NTM: variants seen among roughly 807,000 people sequenced by gnomAD.
NTM encodes IgLON family member 2.
Under a neutral mutation model 42.1 loss-of-function variants are expected in NTM, and 13 were observed. That is an observed-to-expected ratio of 0.31 (90% CI 0.20 to 0.49). The LOEUF (loss-of-function observed/expected upper bound fraction) is 0.49. Among genes scored for constraint, NTM ranks in the 20% least tolerant of loss-of-function variants. The pLI is 0.99. For synonymous variants in NTM, 187 were observed against 179.2 expected (o/e 1.04, Z -0.35); for missense variants, 373 against 452.8 (o/e 0.82, Z 1.60).
At chr11:131,638,650 T>C (rs189512881) in intron 1 of NTM, among the ~76,000 whole-genome samples, 18 of 148,396 alleles carry the variant, frequency 1.2e-4, no homozygotes, top group Admixed American at 7.4e-4. Context: ...TAAAATGAAA[T>C]GGGCTGGCTT....
intron 1 of NTM, among the ~76,000 whole-genome samples, chr11:131,698,289 C>T (rs1207869429): frequency 6.6e-6 from 1 of 152,090 alleles, no homozygotes; most frequent in African/African-American, 2.4e-5. Context: ...CCCCACCCTA[C>T]CCCAGTGCTC....
At chr11:131,705,882 AC>A (rs1413970150) in intron 1 of NTM, among the ~76,000 whole-genome samples, 4 of 152,140 alleles carry the variant, frequency 2.6e-5, no homozygotes, top group African/African-American at 9.6e-5. Context: ...TACTATTACT[AC>A]AAAAAAATCA....
chr11:131,659,412 G>T (rs1429510595), intron 1 of NTM, among the ~76,000 whole-genome samples: 2 of 152,190 alleles, frequency 1.3e-5, no homozygotes, highest in Non-Finnish European at 2.9e-5. Flanking sequence ...CATCACACTG[G>T]GTGAGGGAGT....
chr11:131,572,444 T>C (rs1420032435), intron 1 of NTM, among the ~76,000 whole-genome samples: 2 of 152,156 alleles, frequency 1.3e-5, no homozygotes, highest in Non-Finnish European at 2.9e-5. Context: ...AATCTTCCCA[T>C]CCAGGCTGGA....
At chr11:131,509,163 C>A (rs73026147) in intron 1 of NTM, among the ~76,000 whole-genome samples, 18,434 of 152,186 alleles carry the variant, frequency 0.12, 1,704 homozygotes, top group African/African-American at 0.26. Context: ...AGGATGCCAG[C>A]TGATGCTCCT....
At chr11:131,749,302 T>G (rs962770491) in intron 1 of NTM, among the ~76,000 whole-genome samples, 2 of 152,094 alleles carry the variant, frequency 1.3e-5, no homozygotes, top group African/African-American at 4.8e-5. Flanking sequence ...TTTCCTGGCA[T>G]GTAATAAGGG....
chr11:132,225,488 A>G (rs549486196), intron 4 of NTM, among the ~76,000 whole-genome samples: 1 of 152,218 alleles, frequency 6.6e-6, no homozygotes, highest in African/African-American at 2.4e-5. Flanking sequence ...ATCCAAGGCC[A>G]TGAGTGGGGA....
At chr11:131,830,029 T>C (rs2042618916) in intron 1 of NTM, among the ~76,000 whole-genome samples, 1 of 152,150 alleles carries the variant, frequency 6.6e-6, no homozygotes, top group African/African-American at 2.4e-5. Flanking sequence ...TTAAATGGGG[T>C]TATTTTTTGC....
At chr11:132,233,915 C>A (rs2088187029) in intron 4 of NTM, among the ~76,000 whole-genome samples, 1 of 152,228 alleles carries the variant, frequency 6.6e-6, no homozygotes, top group Non-Finnish European at 1.5e-5. Context: ...CTCTGTCTTC[C>A]AAGAGTGGCC....
At chr11:131,371,184 C>A in intron 1 of NTM, 2 of 754,916 alleles carry the variant, frequency 2.6e-6, no homozygotes, top group Non-Finnish European at 3.2e-6. Flanking sequence ...TTCTTGCACA[C>A]ATACACAACG....
intron 2 of NTM, among the ~76,000 whole-genome samples, chr11:132,040,483 G>A (rs1052759976): frequency 2.0e-5 from 3 of 152,154 alleles, no homozygotes; most frequent in African/African-American, 7.2e-5. Flanking sequence ...ACACCTGAAG[G>A]CATTTCTTAT....
intron 1 of NTM, among the ~76,000 whole-genome samples, chr11:131,691,833 G>T (rs1336495041): frequency 6.6e-6 from 1 of 152,230 alleles, no homozygotes; most frequent in Non-Finnish European, 1.5e-5. Context: ...GGCGTCTTTC[G>T]TGTGTCATGT....
At chr11:131,525,466 T>C (rs2050342187) in intron 1 of NTM, among the ~76,000 whole-genome samples, 1 of 152,180 alleles carries the variant, frequency 6.6e-6, no homozygotes, top group Non-Finnish European at 1.5e-5. Context: ...CTAGTGCTTC[T>C]GTGCAGGGGC....
At chr11:131,874,035 ATATATAT>A (rs1247295078) in intron 1 of NTM, among the ~76,000 whole-genome samples, 1,490 of 17,758 alleles carry the variant, frequency 0.084, 145 homozygotes, top group East Asian at 0.47. Flanking sequence ...AATATAATAT[ATATATAT>A]ATATATATAT....
chr11:131,571,746 T>A (rs941618574), intron 1 of NTM, among the ~76,000 whole-genome samples: 2 of 152,186 alleles, frequency 1.3e-5, no homozygotes, highest in Non-Finnish European at 2.9e-5. Flanking sequence ...CTGAAACAGA[T>A]CCCACAGCAC....
intron 2 of NTM, among the ~76,000 whole-genome samples, chr11:132,019,113 CA>C (rs1292585135): frequency 6.6e-6 from 1 of 151,778 alleles, no homozygotes; most frequent in African/African-American, 2.4e-5. Flanking sequence ...TCAGTTTTAT[CA>C]AGGAGCTTAC....
At chr11:132,096,054 C>G (rs1249900543) in intron 2 of NTM, among the ~76,000 whole-genome samples, 1 of 152,214 alleles carries the variant, frequency 6.6e-6, no homozygotes, top group African/African-American at 2.4e-5. Context: ...TGCCACAGCT[C>G]CTCTCTGACA....
intron 2 of NTM, among the ~76,000 whole-genome samples, chr11:131,936,944 A>C (rs2059286201): frequency 6.6e-6 from 1 of 152,244 alleles, no homozygotes; most frequent in African/African-American, 2.4e-5. Context: ...TAACATATTC[A>C]AGCAAACTGC....
intron 2 of NTM, among the ~76,000 whole-genome samples, chr11:131,996,957 T>G (rs2135211619): frequency 6.6e-6 from 1 of 152,304 alleles, no homozygotes; most frequent in South Asian, 2.1e-4. Flanking sequence ...TATCACTGGC[T>G]TCCTACCTTT....
Sources: allele counts gnomAD v4.1 joint callset (sites outside exome capture counted in the v4.1 genomes callset), GRCh38; gene constraint gnomAD v4.1.1; transcripts MANE v1.5; gene names NCBI Gene and HGNC (gene_info 2026-07-23, HGNC 2026-07-21).